Variants in AGBL1 observed in about 807,000 individuals in gnomAD.
AGBL1 encodes the protein cytosolic carboxypeptidase 4.
Under a neutral mutation model 118.9 loss-of-function variants are expected in AGBL1, and 130 were observed. The ratio of observed to expected loss-of-function variants is 1.09; its 90% CI spans 0.95 to 1.26. AGBL1 has a LOEUF of 1.26. Ranked by LOEUF, AGBL1 falls within the 50% of genes most tolerant of loss-of-function variation. AGBL1 has a pLI of 0.00. For missense variants in AGBL1, 1,584 were observed against 1,298.1 expected (o/e 1.22, Z -3.38); for synonymous variants, 555 against 478.9 (o/e 1.16, Z -2.08).
At chr15:86,157,669 C>A (rs2077210758) in intron 4 of AGBL1, among the ~76,000 whole-genome samples, 1 of 152,168 alleles carries the variant, frequency 6.6e-6, no homozygotes, top group South Asian at 2.1e-4. Context: ...GTTCAAGAAG[C>A]CTGCGGATTA....
chr15:86,322,754 C>T (rs778211732), intron 17 of AGBL1, among the ~76,000 whole-genome samples: 3 of 152,184 alleles, frequency 2.0e-5, no homozygotes, highest in African/African-American at 2.4e-5. Flanking sequence ...TTATTTACTT[C>T]ATGACTATCA....
At chr15:86,155,118 C>T (rs565657370) in intron 4 of AGBL1, among the ~76,000 whole-genome samples, 120 of 152,240 alleles carry the variant, frequency 7.9e-4, no homozygotes, top group Admixed American at 1.6e-3. Flanking sequence ...TTCTAATTAT[C>T]ATAGTAATTT....
intron 21 of AGBL1, among the ~76,000 whole-genome samples, chr15:86,641,795 G>C (rs1193898903): frequency 6.6e-6 from 1 of 152,096 alleles, no homozygotes; most frequent in African/African-American, 2.4e-5. Context: ...GCTTTTATCA[G>C]TCAACTATTT....
intron 16 of AGBL1, among the ~76,000 whole-genome samples, chr15:86,285,144 A>C (rs1195093425): frequency 6.6e-6 from 1 of 152,148 alleles, no homozygotes; most frequent in Non-Finnish European, 1.5e-5. Context: ...CCATTTTTGC[A>C]AAAGGAAATC....
At chr15:86,918,738 T>C (rs577810476), downstream of AGBL1, among the ~76,000 whole-genome samples, 53 of 152,228 alleles carry the variant, frequency 3.5e-4, no homozygotes, top group African/African-American at 1.2e-3. Context: ...ATGATGTGTA[T>C]GGGAAATACG....
At chr15:86,790,856 C>T (rs964308420) in intron 22 of AGBL1, among the ~76,000 whole-genome samples, 1 of 151,874 alleles carries the variant, frequency 6.6e-6, no homozygotes, top group African/African-American at 2.4e-5. Context: ...GCTTCTGTAA[C>T]CACCAAGAAG....
chr15:86,773,332 G>A (rs1039527803), intron 22 of AGBL1, among the ~76,000 whole-genome samples: 1 of 151,996 alleles, frequency 6.6e-6, no homozygotes, highest in African/African-American at 2.4e-5. Context: ...AGCCTCGAAG[G>A]ATATGTAGGG....
intron 23 of AGBL1, among the ~76,000 whole-genome samples, chr15:86,925,504 T>C (rs2080526752): frequency 6.6e-6 from 1 of 152,100 alleles, no homozygotes; most frequent in Non-Finnish European, 1.5e-5. Flanking sequence ...TAAGTATTTT[T>C]CTTCTGTTCC....
At chr15:86,404,635 A>G (rs2081496953) in intron 18 of AGBL1, among the ~76,000 whole-genome samples, 1 of 152,230 alleles carries the variant, frequency 6.6e-6, no homozygotes, top group Non-Finnish European at 1.5e-5. Context: ...TGAACAAGTA[A>G]GAATGGAAGA....
chr15:86,870,549 G>A (rs1031722305), intron 22 of AGBL1, among the ~76,000 whole-genome samples: 2 of 142,804 alleles, frequency 1.4e-5, no homozygotes, highest in African/African-American at 2.6e-5. Flanking sequence ...AACATTGCTT[G>A]TGTGAAAACA....
chr15:87,001,181 C>A (rs1364298260), intron 24 of AGBL1, among the ~76,000 whole-genome samples: 2 of 147,884 alleles, frequency 1.4e-5, no homozygotes, highest in African/African-American at 5.1e-5. Flanking sequence ...CAAACAGGGA[C>A]AATTTGACTT....
intron 5 of AGBL1, among the ~76,000 whole-genome samples, chr15:86,199,705 C>T (rs1039813558): frequency 6.6e-6 from 1 of 152,162 alleles, no homozygotes; most frequent in Non-Finnish European, 1.5e-5. Context: ...GTAAATCTGA[C>T]TAATGAATCA....
intron 23 of AGBL1, among the ~76,000 whole-genome samples, chr15:86,943,000 C>T (rs1484305443): frequency 1.3e-5 from 2 of 152,204 alleles, no homozygotes; most frequent in East Asian, 3.8e-4. Flanking sequence ...TCACTGTTAA[C>T]TGCTCAACTC....
At chr15:86,470,821 GA>G (rs902339118) in intron 18 of AGBL1, among the ~76,000 whole-genome samples, 1 of 151,730 alleles carries the variant, frequency 6.6e-6, no homozygotes, top group Admixed American at 6.6e-5. Context: ...ATTTTGGGGG[GA>G]TAGTTCTTTG....
At chr15:86,746,685 A>G (rs767673863) in intron 22 of AGBL1, among the ~76,000 whole-genome samples, 6 of 152,044 alleles carry the variant, frequency 3.9e-5, no homozygotes, top group Non-Finnish European at 8.8e-5. Context: ...TGTTTTGTGA[A>G]CACATCCTTT....
At chr15:86,132,245 A>T (rs2076829753) in intron 1 of AGBL1, among the ~76,000 whole-genome samples, 1 of 152,150 alleles carries the variant, frequency 6.6e-6, no homozygotes, top group African/African-American at 2.4e-5. Flanking sequence ...GGAAAAGGGC[A>T]TCTCCCCAGT....
intron 18 of AGBL1, among the ~76,000 whole-genome samples, chr15:86,496,101 A>G (rs563216941): frequency 1.3e-5 from 2 of 151,998 alleles, no homozygotes; most frequent in East Asian, 1.9e-4. Context: ...CGGCATGTTG[A>G]GGGACAGACC....
chr15:86,659,015 C>T (rs987866281), intron 21 of AGBL1, among the ~76,000 whole-genome samples: 45 of 152,018 alleles, frequency 3.0e-4, no homozygotes, highest in Non-Finnish European at 3.1e-4. Context: ...AGAGCAAAGG[C>T]GGGTATTCAC....
intron 22 of AGBL1, among the ~76,000 whole-genome samples, chr15:86,735,393 G>A (rs2077578149): frequency 6.6e-6 from 1 of 151,948 alleles, no homozygotes; most frequent in Non-Finnish European, 1.5e-5. Context: ...CTTATAATTA[G>A]ATTAAAGCCA....
Sources: allele counts gnomAD v4.1 joint callset (sites outside exome capture counted in the v4.1 genomes callset), GRCh38; gene constraint gnomAD v4.1.1; transcripts MANE v1.5; gene names NCBI Gene and HGNC (gene_info 2026-07-23, HGNC 2026-07-21).